Variants in CCDC3 observed in about 807,000 individuals in gnomAD.
CCDC3 encodes coiled-coil domain containing 3, also known as coiled-coil domain-containing protein 3.
Under a neutral mutation model 21.4 loss-of-function variants are expected in CCDC3, and 24 were observed. The observed-to-expected ratio is 1.12, with a 90% CI of 0.81 to 1.58. CCDC3 has a LOEUF of 1.58. CCDC3 is among the 40% of genes most tolerant of loss of function. The pLI is 0.00. For missense variants in CCDC3, 425 were observed against 360.9 expected (o/e 1.18, Z -1.44); for synonymous variants, 186 against 166.0 (o/e 1.12, Z -0.93).
At chr10:12,916,767 C>T (rs1300059114) in intron 2 of CCDC3, among the ~76,000 whole-genome samples, 1 of 152,294 alleles carries the variant, frequency 6.6e-6, no homozygotes, top group Non-Finnish European at 1.5e-5. Context: ...TGAGGACTGG[C>T]CTAGCACAAG....
chr10:12,996,582 C>G (rs1040868880), intron 2 of CCDC3, among the ~76,000 whole-genome samples: 5 of 152,146 alleles, frequency 3.3e-5, no homozygotes, highest in Non-Finnish European at 5.9e-5. Context: ...GTGATCCCCC[C>G]ACCTCGGCCT....
intron 2 of CCDC3, among the ~76,000 whole-genome samples, chr10:12,985,416 G>A (rs1342651083): frequency 6.6e-6 from 1 of 152,210 alleles, no homozygotes; most frequent in Non-Finnish European, 1.5e-5. Context: ...CCAGCAATGG[G>A]ACTCTTGGGC....
intron 5 of CCDC3, among the ~76,000 whole-genome samples, chr10:13,048,660 A>G (rs930508051): frequency 5.6e-4 from 85 of 152,158 alleles, no homozygotes; most frequent in African/African-American, 2.0e-3. Context: ...GCAGACAGGA[A>G]CTTGAAGGTG....
At chr10:12,933,887 A>G (rs983619579) in intron 2 of CCDC3, among the ~76,000 whole-genome samples, 1 of 152,104 alleles carries the variant, frequency 6.6e-6, no homozygotes, top group African/African-American at 2.4e-5. Flanking sequence ...GATTTTATTT[A>G]TCTTTTCAAA....
chr10:13,074,521 T>C lies in CCDC3; in HGVS notation c.-502-421A>G, dbSNP rs111609819. On this transcript the variant is annotated intron_variant, in intron 3 of 6. Transcript: ENST00000378839. Reference sequence around the variant, plus strand: ...TTTTCTTCTGGAGTTCTTTTAATGCTTTTAATCCAAGGTCCCAGCTCTCAT... The same window carrying C: ...TTTTCTTCTGGAGTTCTTTTAATGCCTTTAATCCAAGGTCCCAGCTCTCAT... Among the ~76,000 whole-genome samples, 539 of 151,620 alleles carry C rather than the reference T, an allele frequency of 3.6e-3. 2 individuals carry two copies. Among genetic ancestry groups the C allele is most frequent in the African/African-American group, 0.012 (503 of 41,270 alleles).
chr10:13,080,067 A>C (rs1277519150), intron 3 of CCDC3, among the ~76,000 whole-genome samples: 1 of 152,222 alleles, frequency 6.6e-6, no homozygotes, highest in Non-Finnish European at 1.5e-5. Context: ...TTAACGACTC[A>C]AACAACTTGA....
chr10:12,949,282 G>A (rs1390931602), intron 2 of CCDC3, among the ~76,000 whole-genome samples: 1 of 152,216 alleles, frequency 6.6e-6, no homozygotes, highest in Middle Eastern at 3.2e-3. Flanking sequence ...ACATGAGTAA[G>A]TTTTGGCTAT....
At chr10:12,954,937 T>C (rs1835061092) in intron 2 of CCDC3, among the ~76,000 whole-genome samples, 1 of 152,202 alleles carries the variant, frequency 6.6e-6, no homozygotes, top group South Asian at 2.1e-4. Context: ...ACTGCCATAA[T>C]AGCCTTGCAA....
chr10:12,934,601 GT>G (rs1344783791), intron 2 of CCDC3, among the ~76,000 whole-genome samples: 4 of 152,130 alleles, frequency 2.6e-5, no homozygotes, highest in Non-Finnish European at 4.4e-5. Context: ...AGTTCTATCA[GT>G]TTTTGCCTCA....
At chr10:12,998,190 G>C (rs1359913794) in intron 2 of CCDC3, 148 bp downstream of exon 2, 1 of 751,092 alleles carries the variant, frequency 1.3e-6, no homozygotes, top group Non-Finnish European at 2.0e-6. Context: ...GAGGTAAGGA[G>C]GGATAGCAGG....
At chr10:12,907,230 GA>G (rs1834186833) in intron 2 of CCDC3, among the ~76,000 whole-genome samples, 1 of 152,208 alleles carries the variant, frequency 6.6e-6, no homozygotes, top group African/African-American at 2.4e-5. Flanking sequence ...GATGCAGGTT[GA>G]AATAGAAGCA....
intron 2 of CCDC3, among the ~76,000 whole-genome samples, chr10:12,943,229 G>C (rs1834861499): frequency 6.6e-6 from 1 of 152,082 alleles, no homozygotes; most frequent in South Asian, 2.1e-4. Context: ...AATGAAAATA[G>C]AGTGGTCAGC....
intron 2 of CCDC3, among the ~76,000 whole-genome samples, chr10:12,935,785 C>A (rs1406810470): frequency 6.6e-6 from 1 of 152,058 alleles, no homozygotes; most frequent in Non-Finnish European, 1.5e-5. Flanking sequence ...CCTGCCTCAA[C>A]CTCTAGAGTA....
intron 2 of CCDC3, among the ~76,000 whole-genome samples, chr10:12,948,216 C>T (rs372605235): frequency 6.6e-6 from 1 of 152,178 alleles, no homozygotes; most frequent in Non-Finnish European, 1.5e-5. Flanking sequence ...ATAAGATGTG[C>T]CTTTGCTCTT....
At chr10:12,922,044 C>G (rs1314644788) in intron 2 of CCDC3, among the ~76,000 whole-genome samples, 1 of 152,060 alleles carries the variant, frequency 6.6e-6, no homozygotes, top group African/African-American at 2.4e-5. Flanking sequence ...CTTAACTATT[C>G]CTAAGTGTAC....
At chr10:12,916,725 G>A (rs575446901) in intron 2 of CCDC3, among the ~76,000 whole-genome samples, 1 of 152,328 alleles carries the variant, frequency 6.6e-6, no homozygotes, top group Admixed American at 6.5e-5. Context: ...CATCTGATCT[G>A]GAACCGGAAG....
intron 5 of CCDC3, among the ~76,000 whole-genome samples, chr10:13,017,029 G>C (rs577019493): frequency 2.0e-5 from 3 of 152,148 alleles, no homozygotes; most frequent in South Asian, 2.1e-4. Context: ...GAATGAGCTA[G>C]GTCTGAGGTT....
At chr10:12,954,740 C>T (rs1042615208) in intron 2 of CCDC3, among the ~76,000 whole-genome samples, 7 of 152,204 alleles carry the variant, frequency 4.6e-5, no homozygotes, top group African/African-American at 1.2e-4. Context: ...TTCCATTAGG[C>T]GGCACCTCCA....
chr10:13,005,910 C>G (rs1835918792), upstream of CCDC3, among the ~76,000 whole-genome samples: 1 of 152,154 alleles, frequency 6.6e-6, no homozygotes, highest in African/African-American at 2.4e-5. Context: ...ATACATTCTC[C>G]CTCTTTTCCC....
Sources: gnomAD v4.1 joint callset for allele counts (sites outside exome capture counted in the v4.1 genomes callset) on GRCh38, gnomAD v4.1.1 for gene constraint, MANE v1.5 for transcripts, NCBI Gene and HGNC (gene_info 2026-07-23, HGNC 2026-07-21) for gene names.